Variants in ZSWIM6 observed in about 807,000 individuals in gnomAD.
ZSWIM6 encodes the protein zinc finger SWIM-type containing 6, also known as zinc finger SWIM domain-containing protein 6.
A neutral mutation model predicts 113.2 loss-of-function variants in ZSWIM6; 9 were observed. That is an observed-to-expected ratio of 0.08 (90% CI 0.05 to 0.14). The LOEUF (loss-of-function observed/expected upper bound fraction) is 0.14. Among genes scored for constraint, ZSWIM6 ranks in the 10% least tolerant of loss-of-function variants. The pLI is 1.00. For synonymous variants in ZSWIM6, 611 were observed against 606.5 expected, an observed-to-expected ratio of 1.01 and a Z score of -0.11; for missense variants, 1,162 against 1,552.2, an observed-to-expected ratio of 0.75 and a Z score of 4.22.
chr5:61,451,707 C>A (rs995615579), intron 1 of ZSWIM6, among the ~76,000 whole-genome samples: 3 of 152,128 alleles, frequency 2.0e-5, no homozygotes, highest in Non-Finnish European at 4.4e-5. Context: ...GCTTGTTTTA[C>A]CCTATAGATT....
chr5:61,367,426 A>G (rs1745182645), intron 1 of ZSWIM6, among the ~76,000 whole-genome samples: 1 of 152,028 alleles, frequency 6.6e-6, no homozygotes, highest in Non-Finnish European at 1.5e-5. Context: ...TCATTTAAAC[A>G]AAGGTTTTTT....
At chr5:61,375,763 G>A in intron 1 of ZSWIM6, 2 of 1,529,920 alleles carry the variant, frequency 1.3e-6, no homozygotes, top group South Asian at 1.2e-5. Context: ...ACGAGAAAAA[G>A]CAACAGAAAA....
chr5:61,374,870 G>A (rs1040885222), intron 1 of ZSWIM6, among the ~76,000 whole-genome samples: 27 of 152,072 alleles, frequency 1.8e-4, no homozygotes, highest in African/African-American at 6.3e-4. Flanking sequence ...GTTTCTTAAA[G>A]GTAAATAAGC....
chr5:61,403,040 G>A (rs1266513108), intron 1 of ZSWIM6, among the ~76,000 whole-genome samples: 1 of 152,212 alleles, frequency 6.6e-6, no homozygotes. Flanking sequence ...GTAAAATTAA[G>A]AGAGTAATTG....
At chr5:61,421,332 G>T (rs1746351604) in intron 1 of ZSWIM6, among the ~76,000 whole-genome samples, 1 of 151,960 alleles carries the variant, frequency 6.6e-6, no homozygotes, top group South Asian at 2.1e-4. Flanking sequence ...TTAATTTTTA[G>T]GTCCCACAAA....
At chr5:61,539,899 A>G in intron 12 of ZSWIM6, 140 bp downstream of exon 12, 1 of 843,458 alleles carries the variant, frequency 1.2e-6, no homozygotes, top group Non-Finnish European at 1.8e-6. Context: ...TCAGGAGAGA[A>G]CTGTATTTCA....
At chr5:61,392,928 T>G (rs937754588) in intron 1 of ZSWIM6, among the ~76,000 whole-genome samples, 4 of 152,084 alleles carry the variant, frequency 2.6e-5, no homozygotes, top group Non-Finnish European at 2.9e-5. Flanking sequence ...CCTTTATTTT[T>G]TAACTCAATA....
chr5:61,396,701 A>G (rs912870804), intron 1 of ZSWIM6, among the ~76,000 whole-genome samples: 3 of 152,110 alleles, frequency 2.0e-5, no homozygotes, highest in African/African-American at 7.2e-5. Flanking sequence ...TGGTTTAAAT[A>G]GTTTACCAAG....
intron 1 of ZSWIM6, among the ~76,000 whole-genome samples, chr5:61,469,411 T>C (rs776594440): frequency 6.6e-6 from 1 of 152,174 alleles, no homozygotes; most frequent in Non-Finnish European, 1.5e-5. Flanking sequence ...GAATAATGAG[T>C]GTTATGCTGT....
At chr5:61,360,469 C>T (rs1482127708) in intron 1 of ZSWIM6, among the ~76,000 whole-genome samples, 1 of 152,204 alleles carries the variant, frequency 6.6e-6, no homozygotes, top group Non-Finnish European at 1.5e-5. Context: ...GTAAGTAGTT[C>T]TCCTAAGGTC....
chr5:61,509,117 A>G (rs188596489), intron 4 of ZSWIM6, among the ~76,000 whole-genome samples: 2 of 152,320 alleles, frequency 1.3e-5, no homozygotes, highest in African/African-American at 2.4e-5. Flanking sequence ...ACTTAATCAT[A>G]TCCCTTGAAT....
At chr5:61,386,564 G>T (rs1455402388) in intron 1 of ZSWIM6, among the ~76,000 whole-genome samples, 1 of 152,030 alleles carries the variant, frequency 6.6e-6, no homozygotes, top group Non-Finnish European at 1.5e-5. Flanking sequence ...GCTTATCATG[G>T]GCACAGCTGA....
At chr5:61,448,542 C>A (rs1747015291) in intron 1 of ZSWIM6, among the ~76,000 whole-genome samples, 1 of 152,014 alleles carries the variant, frequency 6.6e-6, no homozygotes, top group Non-Finnish European at 1.5e-5. Flanking sequence ...TTATCAAATA[C>A]TGTAGTTTTC....
chr5:61,398,912 GTTTTTTTT>G lies in ZSWIM6; in HGVS notation c.676+65985_676+65992del, dbSNP rs57439648. ...GAAGGAGAGCAAGTTGTGTATAGTT[GTTTTTTTT>G]TTTTTTTTTTTTTTTTTTTTGAGAC... On this transcript the variant is annotated intron_variant, in intron 1 of 13. Coordinates refer to ENST00000252744, the MANE Select transcript of ZSWIM6 (RefSeq NM_020928.2). 3.9e-4 allele frequency among the ~76,000 whole-genome samples: 24 copies of G among 61,778 alleles called. No individual in the cohort carries two copies. In the South Asian group the frequency reaches 6.7e-3, roughly 17 times the overall value. 40.5% of individuals were successfully genotyped at this position (61,778 alleles called of 152,430 possible).
rs1749656233 is a variant in ZSWIM6, at chr5:61,538,990, G to A, written c.2539+19G>A. On this transcript the variant is annotated intron_variant, in intron 11 of 13. Transcript: ENST00000252744. ...GCCAAAGGTACTGTACTGTCCTGAG[G>A]CCTCATAATTGTTTCATTCGTTTGC... is the stretch of plus-strand genomic sequence containing the variant. 2.7e-6 allele frequency: 4 copies of A among 1,494,716 alleles called. No homozygotes were observed. The African/African-American group carries it at 4.2e-5, about 16-fold the overall frequency. The allele number at this position is 1,494,716 out of a possible 1,614,324, so 92.6% of individuals were successfully genotyped here. A position where few individuals can be genotyped will look rare whatever the true frequency, so the allele number is the denominator to read the frequency against.
rs76084971 is a variant in ZSWIM6 at position 61,454,498 on chromosome 5, C to T, written c.677-18183C>T. On this transcript the variant is annotated intron_variant, in intron 1 of 13. Transcript: ENST00000252744. Reference sequence around the variant, plus strand: ...CTTGAACTCCTGGGCTCAGGGCTCACGTGATCTTCCTGCCTTGTCCTCCCA... The same window carrying T: ...CTTGAACTCCTGGGCTCAGGGCTCATGTGATCTTCCTGCCTTGTCCTCCCA... Among the ~76,000 whole-genome samples, 135 of 151,092 alleles carry T rather than the reference C, an allele frequency of 8.9e-4. No homozygotes were observed. The East Asian group carries it at 0.016, about 17-fold the overall frequency.
chr5:61,338,465 G>A (rs140315726), intron 1 of ZSWIM6, among the ~76,000 whole-genome samples: 1 of 152,170 alleles, frequency 6.6e-6, no homozygotes, highest in African/African-American at 2.4e-5. Context: ...AGTTGCATAG[G>A]TATTTTTTAT....
At chr5:61,418,215 T>C (rs1746291968) in intron 1 of ZSWIM6, among the ~76,000 whole-genome samples, 1 of 152,184 alleles carries the variant, frequency 6.6e-6, no homozygotes, top group African/African-American at 2.4e-5. Context: ...AAAGGCTCAA[T>C]AATTTTAACA....
intron 1 of ZSWIM6, among the ~76,000 whole-genome samples, chr5:61,459,336 C>T (rs1478395932): frequency 1.3e-5 from 2 of 152,006 alleles, no homozygotes; most frequent in Non-Finnish European, 2.9e-5. Flanking sequence ...AACAAACATG[C>T]TCTTTTGGGC....
Sources: gnomAD v4.1 joint callset for allele counts (sites outside exome capture counted in the v4.1 genomes callset) on GRCh38, gnomAD v4.1.1 for gene constraint, MANE v1.5 for transcripts, NCBI Gene and HGNC (gene_info 2026-07-23, HGNC 2026-07-21) for gene names.